MSH3: variants seen among roughly 807,000 people sequenced by gnomAD.
The protein encoded by MSH3 is DNA mismatch repair protein Msh3.
A neutral mutation model predicts 123.3 loss-of-function variants in MSH3; 106 were observed. That is an observed-to-expected ratio of 0.86 (90% CI 0.73 to 1.01). The LOEUF is 1.01. Ranked by LOEUF, MSH3 falls within the 50% of genes least tolerant of loss-of-function variation. The pLI is 0.00. For synonymous variants in MSH3, 515 were observed against 481.4 expected, an observed-to-expected ratio of 1.07 and a Z score of -0.91; for missense variants, 1,459 against 1,347.6, an observed-to-expected ratio of 1.08 and a Z score of -1.29.
intron 9 of MSH3, 82 bp downstream of exon 9, chr5:80,725,647 A>G (rs894077704): frequency 2.2e-6 from 2 of 899,956 alleles, no homozygotes; most frequent in Non-Finnish European, 3.7e-6. Context: ...CAATTTAATG[A>G]TGACTAGGTA....
chr5:80,848,715 T>C (rs1745771382), intron 20 of MSH3, among the ~76,000 whole-genome samples: 1 of 152,136 alleles, frequency 6.6e-6, no homozygotes, highest in Non-Finnish European at 1.5e-5. Flanking sequence ...GCCCCCATAA[T>C]CCAGTCATTT....
intron 12 of MSH3, among the ~76,000 whole-genome samples, chr5:80,759,033 C>CACA (rs1329353849): frequency 6.6e-6 from 1 of 152,136 alleles, no homozygotes; most frequent in Non-Finnish European, 1.5e-5. Context: ...TTTATTTTAT[C>CACA]ACAACAATCC....
chr5:80,672,507 T>G, intron 5 of MSH3, 147 bp downstream of exon 5: 2 of 711,838 alleles, frequency 2.8e-6, no homozygotes, highest in South Asian at 3.3e-5. Flanking sequence ...ATTATTAGTA[T>G]TATGTATTTA....
chr5:80,775,653 G>C lies in MSH3; in HGVS notation c.2254-41G>C, dbSNP rs1237678999. 2.4e-5 allele frequency: 27 copies of C among 1,124,962 alleles called. 1 individual carries two copies. The highest frequency in any genetic ancestry group is 3.6e-5 in the Non-Finnish European group (27 of 744,994). 69.7% of individuals were successfully genotyped at this position (1,124,962 alleles called of 1,614,324 possible). On this transcript the variant is annotated intron_variant, in intron 15 of 23. Coordinates refer to ENST00000265081, the MANE Select transcript of MSH3 (RefSeq NM_002439.5). ...TGGGGAAAGCTTTAAAATATATAAT[G>C]GTTACTTATCTAAATCTCTGTTTAT...
At chr5:80,766,091 C>T (rs558269210) in intron 13 of MSH3, among the ~76,000 whole-genome samples, 10 of 152,060 alleles carry the variant, frequency 6.6e-5, no homozygotes, top group African/African-American at 2.4e-4. Context: ...CATCTTGTTT[C>T]ATGGTTGTAG....
intron 16 of MSH3, among the ~76,000 whole-genome samples, chr5:80,776,922 A>AT (rs1744313401): frequency 7.8e-6 from 1 of 128,888 alleles, no homozygotes; most frequent in African/African-American, 3.1e-5. Context: ...ATATATATAT[A>AT]TATATATTTT....
intron 13 of MSH3, among the ~76,000 whole-genome samples, chr5:80,764,651 C>T (rs1026770310): frequency 6.6e-6 from 1 of 151,990 alleles, no homozygotes; most frequent in Non-Finnish European, 1.5e-5. Flanking sequence ...GTGTGAGCCA[C>T]TGTGCTTAGC....
At chr5:80,772,771 T>A (rs1744233921) in intron 15 of MSH3, among the ~76,000 whole-genome samples, 2 of 152,180 alleles carry the variant, frequency 1.3e-5, no homozygotes, top group Admixed American at 1.3e-4. Context: ...ATGTTGTATC[T>A]TATTGTCAGT....
chr5:80,665,083 A>C, intron 2 of MSH3, 60 bp from the exon 3 acceptor site: 2 of 1,276,582 alleles, frequency 1.6e-6, no homozygotes, highest in Non-Finnish European at 2.2e-6. Flanking sequence ...GCTGGTTATG[A>C]ATTGACATAA....
intron 20 of MSH3, among the ~76,000 whole-genome samples, chr5:80,836,344 A>C (rs967311120): frequency 6.6e-6 from 1 of 152,170 alleles, no homozygotes; most frequent in African/African-American, 2.4e-5. Context: ...TCTGCTTAAC[A>C]CTTGAGGGGA....
At chr5:80,740,660 G>A (rs189426583) in intron 10 of MSH3, among the ~76,000 whole-genome samples, 7 of 149,896 alleles carry the variant, frequency 4.7e-5, no homozygotes, top group African/African-American at 9.8e-5. Flanking sequence ...GTGCCTGGCC[G>A]CATGTGTGTT....
intron 20 of MSH3, among the ~76,000 whole-genome samples, chr5:80,843,900 C>A (rs969499220): frequency 6.6e-6 from 1 of 151,734 alleles, no homozygotes; most frequent in Non-Finnish European, 1.5e-5. Flanking sequence ...CTATCTCCTT[C>A]AGTTCTGCTC....
At chr5:80,665,113 G>C in intron 2 of MSH3, 30 bp from the exon 3 acceptor site, 1 of 1,573,414 alleles carries the variant, frequency 6.4e-7, no homozygotes, top group Non-Finnish European at 8.7e-7. Context: ...AATTACTATT[G>C]TTCTGTTTTC....
At chr5:80,658,024 T>G (rs1749329547) in intron 2 of MSH3, among the ~76,000 whole-genome samples, 1 of 144,952 alleles carries the variant, frequency 6.9e-6, no homozygotes, top group South Asian at 2.2e-4. Context: ...TTCCTAAGAA[T>G]GCTTTTTGCC....
intron 20 of MSH3, among the ~76,000 whole-genome samples, chr5:80,834,682 TAAAA>T (rs1745479295): frequency 3.4e-5 from 5 of 149,196 alleles, no homozygotes. Context: ...TAATAATACT[TAAAA>T]ATAATAAAGT....
intron 20 of MSH3, among the ~76,000 whole-genome samples, chr5:80,834,030 T>C (rs1745464849): frequency 6.6e-6 from 1 of 152,208 alleles, no homozygotes; most frequent in Non-Finnish European, 1.5e-5. Flanking sequence ...CAATAAACAG[T>C]TCCCACAATT....
At chr5:80,871,585 G>A (rs1746216307) in intron 22 of MSH3, among the ~76,000 whole-genome samples, 1 of 152,126 alleles carries the variant, frequency 6.6e-6, no homozygotes, top group Non-Finnish European at 1.5e-5. Context: ...GCATGCCTTA[G>A]GCTCTCACCA....
intron 4 of MSH3, 23 bp downstream of exon 4, chr5:80,670,332 A>T (rs1292815621): frequency 6.2e-7 from 1 of 1,603,002 alleles, no homozygotes; most frequent in Non-Finnish European, 8.5e-7. Flanking sequence ...TTCAGGCACT[A>T]TTTTATATTT....
At position 80,854,254 on chromosome 5, in the gene MSH3, G is replaced by C. The variant is rs1405849573; in HGVS notation, c.2938G>C (p.Gly980Arg). ...GGTTATCTTGGATGAACTAGGAAGA[G>C]GGACGAGCACTCATGATGGAATTGC... ...SLVILDELGRGTSTHDGIAIA... is the reference protein window; with the variant it reads ...SLVILDELGRRTSTHDGIAIA... The change falls in exon 21 of 24, where the codon GGG becomes CGG. Residue 980 changes from glycine (G) to arginine (R), a missense_variant. Coordinates refer to ENST00000265081, the MANE Select transcript of MSH3 (RefSeq NM_002439.5). The C allele has an allele frequency of 6.2e-7, 1 of 1,613,972 alleles. No homozygotes were observed. Among genetic ancestry groups the C allele is most frequent in the Non-Finnish European group, 8.5e-7 (1 of 1,179,926 alleles).
Sources: gnomAD v4.1 joint callset for allele counts (sites outside exome capture counted in the v4.1 genomes callset) on GRCh38, gnomAD v4.1.1 for gene constraint, MANE v1.5 for transcripts, NCBI Gene and HGNC (gene_info 2026-07-23, HGNC 2026-07-21) for gene names.